Variants in ANKH observed in about 807,000 individuals in gnomAD.
ANKH encodes the protein mineralization regulator ANKH.
A neutral mutation model predicts 49.0 loss-of-function variants in ANKH; 15 were observed. The ratio of observed to expected loss-of-function variants is 0.31; its 90% CI spans 0.20 to 0.47. The LOEUF is 0.47. ANKH is among the 20% of genes least tolerant of loss of function. The pLI, the probability that ANKH is intolerant of heterozygous loss-of-function variation, is 1.00. For synonymous variants in ANKH, 273 were observed against 260.0 expected (o/e 1.05, Z -0.48); for missense variants, 429 against 652.0 (o/e 0.66, Z 3.72).
chr5:14,807,333 T>G (rs1740739459), intron 1 of ANKH, among the ~76,000 whole-genome samples: 1 of 152,114 alleles, frequency 6.6e-6, no homozygotes, highest in African/African-American at 2.4e-5. Context: ...CAGGCTGGTC[T>G]TGAACTCCTG....
chr5:14,791,477 T>G (rs1480383357), intron 1 of ANKH, among the ~76,000 whole-genome samples: 1 of 152,226 alleles, frequency 6.6e-6, no homozygotes, highest in Non-Finnish European at 1.5e-5. Flanking sequence ...CTCCTACGGC[T>G]GTAATGAGCC....
chr5:14,706,493 A>C lies in ANKH; in HGVS notation c.*4704T>G, dbSNP rs886060071. ...GATTTAATGTCCACTCTTGAGAAGA[A>C]AATAAAGTCTAAACTTAAGGTCTTA... On this transcript the variant is annotated 3_prime_UTR_variant, in exon 12 of 12. Coordinates refer to ENST00000284268, the MANE Select transcript of ANKH (RefSeq NM_054027.6). The C allele has an allele frequency of 6.6e-6, 1 of 152,250 alleles. No individual in the cohort carries two copies. The highest frequency in any genetic ancestry group is 1.5e-5 in the Non-Finnish European group (1 of 68,056). The allele number at this position is 152,250 out of a possible 1,614,324, so 9.4% of individuals were successfully genotyped here.
At position 14,710,628 on chromosome 5, in the gene ANKH, G is replaced by A. The variant is rs1485848497; in HGVS notation, c.*569C>T. ...TCCTCAGTGTGAACGGGGACTCCGG[G>A]CTGCAGCGTGCCACCCGCCTCCTGC... On this transcript the variant is annotated 3_prime_UTR_variant, in exon 12 of 12. Transcript: ENST00000284268. The A allele has an allele frequency of 6.2e-6, 1 of 162,550 alleles. No homozygotes were observed. The highest frequency in any genetic ancestry group is 1.4e-5 in the Non-Finnish European group (1 of 73,858). The allele number at this position is 162,550 out of a possible 1,614,324, so 10.1% of individuals were successfully genotyped here.
intron 1 of ANKH, among the ~76,000 whole-genome samples, chr5:14,784,940 T>C (rs997464084): frequency 6.6e-6 from 1 of 152,058 alleles, no homozygotes; most frequent in Non-Finnish European, 1.5e-5. Context: ...TGCCCACCAA[T>C]AGCAGGACAG....
At chr5:14,853,674 G>GT in intron 1 of ANKH, among the ~76,000 whole-genome samples, 1 of 152,004 alleles carries the variant, frequency 6.6e-6, no homozygotes, top group South Asian at 2.1e-4. Context: ...TTGTTTGTTT[G>GT]TTTTTTTGAG....
At chr5:14,755,657 T>TATAC (rs1738861724) in intron 4 of ANKH, among the ~76,000 whole-genome samples, 1 of 152,238 alleles carries the variant, frequency 6.6e-6, no homozygotes, top group African/African-American at 2.4e-5. Flanking sequence ...CTAGCAAGAT[T>TATAC]ATACATACTG....
chr5:14,749,390 G>C, intron 5 of ANKH, 84 bp from the exon 6 acceptor site: 1 of 1,482,814 alleles, frequency 6.7e-7, no homozygotes, highest in Non-Finnish European at 9.4e-7. Flanking sequence ...CTTTTCCTTC[G>C]TATGTTAATC....
intron 8 of ANKH, among the ~76,000 whole-genome samples, chr5:14,733,721 AATGGCCG>A (rs1346807345): frequency 1.3e-5 from 2 of 152,180 alleles, no homozygotes; most frequent in East Asian, 3.9e-4. Flanking sequence ...CACCTAAGTG[AATGGCCG>A]GTCATCGGGA....
At chr5:14,862,224 G>A (rs1049007202) in intron 1 of ANKH, among the ~76,000 whole-genome samples, 2 of 152,136 alleles carry the variant, frequency 1.3e-5, no homozygotes, top group South Asian at 2.1e-4. Flanking sequence ...CAACAAGAGC[G>A]AAACTGTCTC....
At chr5:14,795,306 A>G (rs548568530) in intron 1 of ANKH, among the ~76,000 whole-genome samples, 3 of 152,308 alleles carry the variant, frequency 2.0e-5, no homozygotes, top group Non-Finnish European at 2.9e-5. Flanking sequence ...CCTACTAAAC[A>G]ATGGTGTTTA....
chr5:14,802,657 G>T (rs576636739), intron 1 of ANKH, among the ~76,000 whole-genome samples: 1 of 151,888 alleles, frequency 6.6e-6, no homozygotes, highest in Admixed American at 6.6e-5. Context: ...CAGACACAAG[G>T]CGTCTCCTTG....
intron 1 of ANKH, among the ~76,000 whole-genome samples, chr5:14,855,304 A>T (rs1742223935): frequency 6.6e-6 from 1 of 152,056 alleles, no homozygotes; most frequent in Admixed American, 6.6e-5. Flanking sequence ...CTCCTTGTTT[A>T]TTTGCCCTCC....
intron 1 of ANKH, among the ~76,000 whole-genome samples, chr5:14,812,959 T>C (rs1289733454): frequency 6.6e-6 from 1 of 152,192 alleles, no homozygotes; most frequent in Non-Finnish European, 1.5e-5. Context: ...GTATTCAATG[T>C]AATCATCCTG....
intron 1 of ANKH, among the ~76,000 whole-genome samples, chr5:14,772,616 C>T (rs1222594493): frequency 6.6e-6 from 1 of 152,194 alleles, no homozygotes. Flanking sequence ...CAAAAAGCTC[C>T]TTTATAACAA....
rs1697126 is a variant in ANKH at position 14,746,187 on chromosome 5, T to C, written c.823-225A>G. 0.19 allele frequency among the ~76,000 whole-genome samples: 28,341 copies of C among 151,842 alleles called. 2,833 individuals are homozygous for C. The highest frequency in any genetic ancestry group is 0.24 in the African/African-American group (10,058 of 41,368). Reference sequence around the variant, plus strand: ...CTCTGCCTCATCCCTGGGAGTGCAATGAGCCAGCCAACAAAGTGGACGTGA... The same window carrying C: ...CTCTGCCTCATCCCTGGGAGTGCAACGAGCCAGCCAACAAAGTGGACGTGA... On this transcript the variant is annotated intron_variant, in intron 6 of 11. Coordinates refer to ENST00000284268, the MANE Select transcript of ANKH (RefSeq NM_054027.6).
chr5:14,827,203 C>A (rs1220606948), intron 1 of ANKH, among the ~76,000 whole-genome samples: 1 of 152,228 alleles, frequency 6.6e-6, no homozygotes, highest in Non-Finnish European at 1.5e-5. Context: ...TTAACAGTAA[C>A]ACCTAAGACT....
intron 8 of ANKH, chr5:14,741,592 G>T: frequency 1.9e-6 from 1 of 514,244 alleles, no homozygotes; most frequent in Non-Finnish European, 3.5e-6. Context: ...CTTCCTTTCT[G>T]CAGCATTTGA....
rs1455187568 is a variant in ANKH at position 14,712,993 on chromosome 5, G to A, written c.1266-20C>T. ...TGCACCCTGCAGATGAGAACACAAA[G>A]GCAATTTGTCTGTTAAGGCCAAGTC... On this transcript the variant is annotated intron_variant, in intron 10 of 11. Coordinates refer to ENST00000284268, the MANE Select transcript of ANKH (RefSeq NM_054027.6). 8.7e-6 allele frequency: 14 copies of A among 1,605,866 alleles called. No homozygotes were observed. The highest frequency in any genetic ancestry group is 1.0e-5 in the Non-Finnish European group (12 of 1,176,050).
At chr5:14,744,131 T>C (rs964485858) in intron 7 of ANKH, among the ~76,000 whole-genome samples, 18 of 152,216 alleles carry the variant, frequency 1.2e-4, no homozygotes, top group African/African-American at 4.3e-4. Flanking sequence ...TTTCTATCTA[T>C]AGACTGAATT....
Sources: allele counts gnomAD v4.1 joint callset (sites outside exome capture counted in the v4.1 genomes callset), GRCh38; gene constraint gnomAD v4.1.1; transcripts MANE v1.5; gene names NCBI Gene and HGNC (gene_info 2026-07-23, HGNC 2026-07-21).